The following BTK variants were observed in gnomAD, a reference collection of about 807,000 sequenced individuals.
The protein encoded by BTK is Bruton tyrosine kinase, also known as tyrosine-protein kinase BTK.
In BTK, 5 loss-of-function variants were observed where a neutral mutation model predicts 57.4. That is an observed-to-expected ratio of 0.09 (90% CI 0.05 to 0.18). The LOEUF is 0.18. BTK is among the 10% of genes least tolerant of loss of function. The pLI, the probability that BTK is intolerant of heterozygous loss-of-function variation, is 1.00. For missense variants in BTK, 194 were observed against 501.2 expected (o/e 0.39, Z 5.85); for synonymous variants, 154 against 174.3 (o/e 0.88, Z 0.92).
chrX:101,383,661 G>A (rs782519989), intron 1 of BTK, among the ~76,000 whole-genome samples: 1 of 111,260 alleles, frequency 9.0e-6, no homozygotes, highest in Admixed American at 9.6e-5. Context: ...ACAGACTACA[G>A]TTTGTTTTCA....
chrX:101,362,740 CCAT>C, intron 5 of BTK, 51 bp from the exon 6 acceptor site: 1 of 1,208,340 alleles, frequency 8.3e-7, no homozygotes, highest in Non-Finnish European at 1.1e-6. Flanking sequence ...GGAGAAGCCA[CCAT>C]TTGCATGTTT....
chrX:101,352,036 C>T (rs1193853411), intron 18 of BTK, among the ~76,000 whole-genome samples: 1 of 108,631 alleles, frequency 9.2e-6, no homozygotes, highest in East Asian at 2.9e-4. Flanking sequence ...GGTGGCGGGC[C>T]CCTGTAGTCC....
chrX:101,366,100 C>T (rs896145572), intron 5 of BTK, among the ~76,000 whole-genome samples: 1 of 111,281 alleles, frequency 9.0e-6, no homozygotes, highest in Non-Finnish European at 1.9e-5. Context: ...GGTGAAATCC[C>T]GTCTCTACCA....
chrX:101,387,427 C>T (rs1468730730), upstream of BTK, among the ~76,000 whole-genome samples: 1 of 101,285 alleles, frequency 9.9e-6, no homozygotes, highest in Admixed American at 1.1e-4. Flanking sequence ...TCATGGCTCA[C>T]TGCAGCCTCC....
At chrX:101,376,959 G>A (rs935090527) in intron 1 of BTK, among the ~76,000 whole-genome samples, 1 of 111,448 alleles carries the variant, frequency 9.0e-6, no homozygotes, top group Non-Finnish European at 1.9e-5. Flanking sequence ...TCATGCTGGG[G>A]AGACGAAAAT....
chrX:101,356,118 C>T lies in BTK; in HGVS notation c.1500G>A (p.Glu500=). Reference sequence around the variant, plus strand: ...TGGCTTCACAGACATCCTTGCACATCTCTAGCAGCTGCTGAGTCTGGAAGC... The same window carrying T: ...TGGCTTCACAGACATCCTTGCACATTTCTAGCAGCTGCTGAGTCTGGAAGC... ...RHRFQTQQLL[E]MCKDVCEAME... The change falls in exon 15 of 19, where the codon GAG becomes GAA. Residue 500 remains glutamate (E), a synonymous_variant. Coordinates refer to ENST00000308731, the MANE Select transcript of BTK (RefSeq NM_000061.3). 1 of 1,211,523 alleles carries T rather than the reference C, an allele frequency of 8.3e-7. No individual in the cohort carries two copies.
Position 101,362,541 on chromosome X carries a change from A to C in BTK, c.520+20T>G. ...GAAACAGTCAAAGGAGAAAGAAATT[A>C]TATCGATCAGATTGCTTACTTCCAT... On this transcript the variant is annotated intron_variant, in intron 6 of 18. Transcript: ENST00000308731. 8.3e-7 allele frequency: 1 copy of C among 1,211,514 alleles called. No individual in the cohort carries two copies. Among genetic ancestry groups the C allele is most frequent in the Non-Finnish European group, 1.1e-6 (1 of 895,362 alleles).
At chrX:101,376,726 C>G (rs782298074) in intron 1 of BTK, among the ~76,000 whole-genome samples, 2 of 106,740 alleles carry the variant, frequency 1.9e-5, no homozygotes, top group African/African-American at 6.9e-5. Flanking sequence ...GGGATTTTTC[C>G]TCTGGTGGGG....
chrX:101,379,411 G>C (rs187648560), intron 1 of BTK, among the ~76,000 whole-genome samples: 1 of 111,469 alleles, frequency 9.0e-6, no homozygotes, highest in East Asian at 2.8e-4. Context: ...TTTCCTTAGG[G>C]GGATGGAATG....
upstream of BTK, among the ~76,000 whole-genome samples, chrX:101,390,268 G>A (rs782424101): frequency 8.9e-6 from 1 of 112,023 alleles, no homozygotes; most frequent in South Asian, 3.7e-4. Flanking sequence ...AGGTTTGCAA[G>A]GAAGGGAAGA....
Position 101,377,449 on chromosome X carries a change from A to ATGCTTC in BTK, c.-30-2136_-30-2135insGAAGCA, listed in dbSNP as rs1467893544. On this transcript the variant is annotated intron_variant, in intron 1 of 18. Coordinates refer to ENST00000308731, the MANE Select transcript of BTK (RefSeq NM_000061.3). Reference sequence around the variant, plus strand: ...ATAAATTGAGTACTGTGACCAGTAAATGGGGTCAGAAGCATCCCAACAAAC... The same window carrying ATGCTTC: ...ATAAATTGAGTACTGTGACCAGTAAATGCTTCTGGGGTCAGAAGCATCCCAACAAAC... Among the ~76,000 whole-genome samples the ATGCTTC allele has an allele frequency of 2.7e-5, 3 of 111,508 alleles. No individual in the cohort carries two copies. In the Admixed American group the frequency reaches 2.9e-4, roughly 11 times the overall value.
At chrX:101,359,391 A>C (rs1926591272) in intron 9 of BTK, 44 bp from the exon 10 acceptor site, 1 of 1,162,890 alleles carries the variant, frequency 8.6e-7, no homozygotes, top group Non-Finnish European at 1.2e-6. Context: ...GGTCATAAGC[A>C]GATTGGAGGT....
chrX:101,377,245 A>G (rs1204489180), intron 1 of BTK, among the ~76,000 whole-genome samples: 6 of 111,200 alleles, frequency 5.4e-5, no homozygotes, highest in East Asian at 5.6e-4. Flanking sequence ...TCATTTTAAC[A>G]TTACAATTAT....
chrX:101,367,100 C>T lies in BTK; in HGVS notation c.391+2898G>A, dbSNP rs190105000. 2.3e-4 allele frequency among the ~76,000 whole-genome samples: 25 copies of T among 107,560 alleles called. No homozygotes were observed. In the East Asian group the frequency reaches 6.5e-3, roughly 28 times the overall value. The allele number at this position is 107,560 out of a possible 115,157, so 93.4% of individuals were successfully genotyped here. Reference sequence around the variant, plus strand: ...CTCTACCAAAGATACAAAAATTAGCCGGGCATGATGGTGCACGCCTGTAGT... The same window carrying T: ...CTCTACCAAAGATACAAAAATTAGCTGGGCATGATGGTGCACGCCTGTAGT... On this transcript the variant is annotated intron_variant, in intron 5 of 18. Coordinates refer to ENST00000308731, the MANE Select transcript of BTK (RefSeq NM_000061.3).
chrX:101,378,916 G>A (rs997680002), intron 1 of BTK, among the ~76,000 whole-genome samples: 2 of 111,175 alleles, frequency 1.8e-5, no homozygotes, highest in Admixed American at 9.7e-5. Context: ...GCTCATGCCC[G>A]TAATCCCAGC....
chrX:101,370,070 C>T lies in BTK; in HGVS notation c.319G>A (p.Asp107Asn). 8.3e-7 allele frequency: 1 copy of T among 1,208,113 alleles called. No homozygotes were observed. Among genetic ancestry groups the T allele is most frequent in the Non-Finnish European group, 1.1e-6 (1 of 892,355 alleles). The change falls in exon 5 of 19, where the codon GAT (aspartate) becomes AAT (asparagine). Residue 107 changes from aspartate (D) to asparagine (N), a missense_variant. Asp to Asn is a conservative substitution (Grantham distance 23, BLOSUM62 1). This residue lies in a region of BTK where 115 missense variants were observed against 258.3 expected (regional missense o/e 0.45). Coordinates refer to ENST00000308731, the MANE Select transcript of BTK (RefSeq NM_000061.3). ...GAGAAGACGTAGAGAGGCCCTTCAT[C>T]ATATACAACCTGGGTCGATGAAAAC... ...RFPYPFQVVY[D>N]EGPLYVFSPT...
At position 101,364,559 on chromosome X, in the gene BTK, C is replaced by CT. The variant is rs374184578; in HGVS notation, c.392-1871dup. Among the ~76,000 whole-genome samples, 836 of 101,014 alleles carry CT rather than the reference C, an allele frequency of 8.3e-3. 8 individuals are homozygous for CT. Among genetic ancestry groups the CT allele is most frequent in the African/African-American group, 0.027 (746 of 27,879 alleles). The allele number at this position is 101,014 out of a possible 115,157, so 87.7% of individuals were successfully genotyped here. On this transcript the variant is annotated intron_variant, in intron 5 of 18. Transcript: ENST00000308731. ...TTTTGCAGGCAAATGAACAAAAGTTCTTTTTTTTTTTTTAAGAGCCATTTT... is the reference window on the plus strand; with the variant it reads ...TTTTGCAGGCAAATGAACAAAAGTTCTTTTTTTTTTTTTTAAGAGCCATTTT...
rs1555978783 is a variant in BTK, at chrX:101,362,184, C to G, written c.577G>C (p.Glu193Gln). The change falls in exon 7 of 19, where the codon GAG becomes CAG. Residue 193 changes from glutamate (E) to glutamine (Q), a missense_variant. Glu to Gln is a conservative substitution (Grantham distance 29). Transcript: ENST00000308731. ...KTKKPLPPTPEEDQILKKPLP... is the reference protein window; with the variant it reads ...KTKKPLPPTPQEDQILKKPLP... ...GTTTCCCTGTATACCTGGTCCTCCT[C>G]AGGCGTTGGGGGAAGAGGCTTTTTT... The G allele has an allele frequency of 1.7e-6, 2 of 1,210,151 alleles. No homozygotes were observed. The highest frequency in any genetic ancestry group is 2.2e-6 in the Non-Finnish European group (2 of 895,197).
chrX:101,369,783 T>C (rs1040156068), intron 5 of BTK, among the ~76,000 whole-genome samples: 7 of 110,153 alleles, frequency 6.4e-5, no homozygotes, highest in Non-Finnish European at 1.3e-4. Context: ...TCCCCTTCCT[T>C]CTTTCCTTGC....
Sources: gnomAD v4.1 joint callset for allele counts (sites outside exome capture counted in the v4.1 genomes callset) on GRCh38, gnomAD v4.1.1 for gene constraint, gnomAD v4.1.1 regional missense constraint, MANE v1.5 for transcripts, NCBI Gene and HGNC (gene_info 2026-07-23, HGNC 2026-07-21) for gene names.